The following TRABD2B variants were observed in gnomAD, a reference collection of about 807,000 sequenced individuals.
TRABD2B encodes TraB domain containing 2B, also known as metalloprotease TIKI2.
A neutral mutation model predicts 40.1 loss-of-function variants in TRABD2B; 14 were observed. That is an observed-to-expected ratio of 0.35 (90% CI 0.23 to 0.55). The LOEUF is 0.55. Ranked by LOEUF, TRABD2B falls within the 20% of genes least tolerant of loss-of-function variation. The pLI is 0.90. For missense variants in TRABD2B, 541 were observed against 648.6 expected, an observed-to-expected ratio of 0.83 and a Z score of 1.80; for synonymous variants, 263 against 277.0, an observed-to-expected ratio of 0.95 and a Z score of 0.50.
chr1:47,869,234 G>A (rs1644105907), intron 2 of TRABD2B, among the ~76,000 whole-genome samples: 4 of 152,022 alleles, frequency 2.6e-5, no homozygotes, highest in Admixed American at 2.6e-4. Flanking sequence ...TTCATATTAG[G>A]TTGGTTCTCA....
chr1:47,766,373 T>C (rs369019439), intron 6 of TRABD2B, among the ~76,000 whole-genome samples: 10 of 152,202 alleles, frequency 6.6e-5, no homozygotes, highest in African/African-American at 2.4e-4. Context: ...GCCACTCAGA[T>C]GTCACCACTC....
At chr1:47,942,646 T>C (rs1413574006) in intron 2 of TRABD2B, among the ~76,000 whole-genome samples, 1 of 152,206 alleles carries the variant, frequency 6.6e-6, no homozygotes, top group Non-Finnish European at 1.5e-5. Flanking sequence ...GCAACAACAA[T>C]AATGTTAATG....
At chr1:47,974,717 T>C (rs1241560614) in intron 2 of TRABD2B, among the ~76,000 whole-genome samples, 3 of 152,208 alleles carry the variant, frequency 2.0e-5, no homozygotes, top group African/African-American at 4.8e-5. Context: ...GAATGGGTTG[T>C]TCACAGCAAC....
At chr1:47,792,150 A>C (rs1644683492) in intron 4 of TRABD2B, among the ~76,000 whole-genome samples, 1 of 152,148 alleles carries the variant, frequency 6.6e-6, no homozygotes, top group African/African-American at 2.4e-5. Context: ...GTTTTTGGAG[A>C]GTGGATTCAT....
At chr1:47,883,325 G>A (rs906466778) in intron 2 of TRABD2B, among the ~76,000 whole-genome samples, 3 of 152,128 alleles carry the variant, frequency 2.0e-5, no homozygotes, top group African/African-American at 7.2e-5. Flanking sequence ...TCAAAATGCT[G>A]GTATTTGAGT....
At chr1:47,922,041 A>C (rs1332864140) in intron 2 of TRABD2B, among the ~76,000 whole-genome samples, 1 of 152,228 alleles carries the variant, frequency 6.6e-6, no homozygotes, top group Non-Finnish European at 1.5e-5. Flanking sequence ...ACTGGGGTGC[A>C]GGCTCAGGGC....
intron 2 of TRABD2B, among the ~76,000 whole-genome samples, chr1:47,900,338 A>G (rs1433792658): frequency 6.6e-6 from 1 of 152,136 alleles, no homozygotes; most frequent in Non-Finnish European, 1.5e-5. Context: ...AGAGAGTGCT[A>G]AAGCCATGAG....
intron 2 of TRABD2B, among the ~76,000 whole-genome samples, chr1:47,815,403 C>A (rs1557588808): frequency 6.6e-6 from 1 of 152,160 alleles, no homozygotes; most frequent in African/African-American, 2.4e-5. Flanking sequence ...AGTCTGCTTC[C>A]AGGATCCACC....
intron 2 of TRABD2B, among the ~76,000 whole-genome samples, chr1:47,871,937 G>A (rs758894257): frequency 2.0e-5 from 3 of 152,208 alleles, no homozygotes; most frequent in African/African-American, 4.8e-5. Flanking sequence ...ACAGGTGCCT[G>A]TGCGTCAGTG....
intron 4 of TRABD2B, among the ~76,000 whole-genome samples, chr1:47,789,931 T>C (rs1312828020): frequency 6.6e-6 from 1 of 151,632 alleles, no homozygotes; most frequent in Non-Finnish European, 1.5e-5. Flanking sequence ...TGCTCAATTC[T>C]TTCTCATCTT....
At chr1:47,970,748 T>G (rs1015060953) in intron 2 of TRABD2B, among the ~76,000 whole-genome samples, 1 of 152,194 alleles carries the variant, frequency 6.6e-6, no homozygotes, top group African/African-American at 2.4e-5. Context: ...TGGACTCAGG[T>G]CTGCTGTGTG....
intron 2 of TRABD2B, among the ~76,000 whole-genome samples, chr1:47,868,766 G>A (rs1358405295): frequency 1.3e-5 from 2 of 152,156 alleles, no homozygotes; most frequent in African/African-American, 4.8e-5. Context: ...CTGCTCTAAA[G>A]CACGGTCCAG....
chr1:47,766,462 C>T (rs1352393638), intron 6 of TRABD2B, among the ~76,000 whole-genome samples: 2 of 152,140 alleles, frequency 1.3e-5, no homozygotes, highest in East Asian at 1.9e-4. Context: ...CAGTCATCGA[C>T]GTACACAGGT....
At chr1:47,967,625 A>T (rs984266598) in intron 2 of TRABD2B, among the ~76,000 whole-genome samples, 4 of 152,216 alleles carry the variant, frequency 2.6e-5, no homozygotes, top group African/African-American at 7.2e-5. Flanking sequence ...GTAAGAAGTC[A>T]AAATGTTCTG....
At chr1:47,903,916 C>T (rs1644639655) in intron 2 of TRABD2B, among the ~76,000 whole-genome samples, 1 of 152,202 alleles carries the variant, frequency 6.6e-6, no homozygotes, top group Non-Finnish European at 1.5e-5. Context: ...CCAGTTTGGT[C>T]AGATCAGGTC....
chr1:47,819,398 T>C (rs1002957820), intron 2 of TRABD2B: 2 of 152,246 alleles, frequency 1.3e-5, no homozygotes, highest in Non-Finnish European at 2.9e-5. Flanking sequence ...TGATTGGATC[T>C]TTAACAGCTC....
At chr1:47,983,139 A>G (rs759734022) in intron 2 of TRABD2B, among the ~76,000 whole-genome samples, 10 of 152,234 alleles carry the variant, frequency 6.6e-5, no homozygotes, top group Non-Finnish European at 1.2e-4. Context: ...GCCATGGAAT[A>G]CTAGGCAGCC....
chr1:47,941,375 T>C (rs532994888), intron 2 of TRABD2B, among the ~76,000 whole-genome samples: 3 of 152,194 alleles, frequency 2.0e-5, no homozygotes, highest in African/African-American at 4.8e-5. Flanking sequence ...CACATGAATA[T>C]ACACACAAAC....
At chr1:47,845,213 G>C (rs750592917) in intron 2 of TRABD2B, among the ~76,000 whole-genome samples, 1 of 152,152 alleles carries the variant, frequency 6.6e-6, no homozygotes, top group Non-Finnish European at 1.5e-5. Flanking sequence ...GTTATGGAAA[G>C]AGCATGTCCG....
Sources: gnomAD v4.1 joint callset for allele counts (sites outside exome capture counted in the v4.1 genomes callset) on GRCh38, gnomAD v4.1.1 for gene constraint, MANE v1.5 for transcripts, NCBI Gene and HGNC (gene_info 2026-07-23, HGNC 2026-07-21) for gene names.